Variants in DSCAM observed in about 807,000 individuals in gnomAD.
DSCAM encodes cell adhesion molecule DSCAM.
In DSCAM, 47 loss-of-function variants were observed where a neutral mutation model predicts 217.7. The observed-to-expected ratio is 0.22, with a 90% CI of 0.17 to 0.28. The LOEUF (loss-of-function observed/expected upper bound fraction) is 0.28, where lower values mean the gene tolerates loss of function less well. DSCAM is among the 10% of genes least tolerant of loss of function. The pLI, the probability that DSCAM is intolerant of heterozygous loss-of-function variation, is 1.00. For missense variants in DSCAM, 2,080 were observed against 2,618.3 expected, an observed-to-expected ratio of 0.79 and a Z score of 4.49; for synonymous variants, 1,056 against 1,015.3, an observed-to-expected ratio of 1.04 and a Z score of -0.76.
At position 40,052,235 on chromosome 21, in the gene DSCAM, T is replaced by C. The variant is rs73906390; in HGVS notation, c.5036-128A>G. 2,399 of 1,000,396 alleles carry C rather than the reference T, an allele frequency of 2.4e-3. 45 individuals are homozygous for C. The African/African-American group carries it at 0.036, about 15-fold the overall frequency. 62.0% of individuals were successfully genotyped at this position (1,000,396 alleles called of 1,614,324 possible). A position where few individuals can be genotyped will look rare whatever the true frequency, so the allele number is the denominator to read the frequency against. ...ACCACAATAATAGCCCCATCTAAAG[T>C]GACAAAAATGATTGAAAATTCAAGC... On this transcript the variant is annotated intron_variant, in intron 29 of 32. Transcript: ENST00000400454.
intron 1 of DSCAM, among the ~76,000 whole-genome samples, chr21:40,756,558 A>ATTT (rs148771867): frequency 1.8e-4 from 27 of 151,036 alleles, no homozygotes; most frequent in South Asian, 8.4e-4. Context: ...TGCCCAGCTA[A>ATTT]TTTTTGTATT....
At chr21:40,029,871 C>A (rs1360870788) in intron 32 of DSCAM, among the ~76,000 whole-genome samples, 2 of 152,196 alleles carry the variant, frequency 1.3e-5, no homozygotes, top group African/African-American at 4.8e-5. Context: ...GGGTGCCAAG[C>A]CTCGGGGCTT....
intron 20 of DSCAM, among the ~76,000 whole-genome samples, chr21:40,114,816 C>T (rs1321798428): frequency 6.6e-6 from 1 of 152,220 alleles, no homozygotes; most frequent in Admixed American, 6.5e-5. Flanking sequence ...TGACAAAATG[C>T]TCATCATCAC....
At chr21:40,037,251 GTA>G (rs1225855316) in intron 32 of DSCAM, among the ~76,000 whole-genome samples, 3 of 149,178 alleles carry the variant, frequency 2.0e-5, no homozygotes, top group African/African-American at 7.6e-5. Flanking sequence ...TGACATGATT[GTA>G]TATCTAGAAA....
At chr21:40,442,255 T>C (rs950265490) in intron 3 of DSCAM, among the ~76,000 whole-genome samples, 2 of 152,136 alleles carry the variant, frequency 1.3e-5, no homozygotes, top group African/African-American at 2.4e-5. Flanking sequence ...ATATAACTTA[T>C]ATATACATTT....
chr21:40,338,353 T>C lies in DSCAM; in HGVS notation c.1531A>G (p.Lys511Glu), dbSNP rs1204882422. The C allele has an allele frequency of 6.2e-7, 1 of 1,613,854 alleles. No homozygotes were observed. ...CGTCCTGCTATTGCTGTGATGTTTT[T>C]CATTGGTCGAATGCTTGCAGGCCCT... ...VRGPASIRPM[K>E]NITAIAGRDT... is the part of the protein sequence containing the mutation. The change falls in exon 8 of 33, where the codon AAA becomes GAA. Residue 511 changes from lysine (K) to glutamate (E), a missense_variant. This residue lies in a region of DSCAM where 568 missense variants were observed against 678.1 expected (regional missense o/e 0.84). Transcript: ENST00000400454.
At chr21:40,199,935 T>G (rs1052959843) in intron 11 of DSCAM, among the ~76,000 whole-genome samples, 1 of 146,896 alleles carries the variant, frequency 6.8e-6, no homozygotes, top group Admixed American at 6.7e-5. Flanking sequence ...GAACTTAAAG[T>G]AAAATTAAAA....
At chr21:40,563,968 G>C (rs2076746413) in intron 3 of DSCAM, among the ~76,000 whole-genome samples, 1 of 152,212 alleles carries the variant, frequency 6.6e-6, no homozygotes, top group Non-Finnish European at 1.5e-5. Flanking sequence ...GGGAGGCAGA[G>C]TGAGAGCAGA....
chr21:40,525,752 A>C (rs2076395371), intron 3 of DSCAM, among the ~76,000 whole-genome samples: 1 of 152,220 alleles, frequency 6.6e-6, no homozygotes. Context: ...GCTCCCAGCT[A>C]TATGGTCTCA....
intron 30 of DSCAM, among the ~76,000 whole-genome samples, chr21:40,045,561 TCG>T (rs1474213862): frequency 1.3e-5 from 2 of 152,222 alleles, no homozygotes; most frequent in Non-Finnish European, 2.9e-5. Context: ...GGCTACAACA[TCG>T]CCTCTTCTGG....
chr21:40,507,615 A>G (rs1017307557), intron 3 of DSCAM, among the ~76,000 whole-genome samples: 11 of 151,698 alleles, frequency 7.3e-5, no homozygotes, highest in Non-Finnish European at 1.6e-4. Flanking sequence ...ACATGGTGAA[A>G]CCCCTCTCTA....
At chr21:40,559,458 C>CAA (rs59510708) in intron 3 of DSCAM, among the ~76,000 whole-genome samples, 53 of 115,970 alleles carry the variant, frequency 4.6e-4, no homozygotes, top group East Asian at 3.3e-3. Flanking sequence ...GACCCCGTCT[C>CAA]AAAAAAAAAA....
chr21:40,405,084 C>A (rs1019996760), intron 3 of DSCAM, among the ~76,000 whole-genome samples: 2 of 152,066 alleles, frequency 1.3e-5, no homozygotes, highest in Non-Finnish European at 2.9e-5. Context: ...ATGGGAGATG[C>A]AAAGGTGAAT....
At position 40,843,368 on chromosome 21, in the gene DSCAM, ATGTGTGTGTGTGTG is replaced by A. The variant is rs36229663; in HGVS notation, c.43+3237_43+3250del. 2.9e-3 allele frequency among the ~76,000 whole-genome samples: 427 copies of A among 146,158 alleles called. 2 individuals are homozygous for A. Among genetic ancestry groups the A allele is most frequent in the African/African-American group, 8.7e-3 (349 of 40,250 alleles). On this transcript the variant is annotated intron_variant, in intron 1 of 32. Coordinates refer to ENST00000400454, the MANE Select transcript of DSCAM (RefSeq NM_001389.5). ...AAAAGATGATGTCAGGAATGCATGC[ATGTGTGTGTGTGTG>A]TGTGTGTGTGTGTGTGTGTGTGTGT... is the stretch of plus-strand genomic sequence containing the variant.
intron 1 of DSCAM, among the ~76,000 whole-genome samples, chr21:40,749,404 T>C (rs1024026949): frequency 6.6e-6 from 1 of 152,080 alleles, no homozygotes; most frequent in Non-Finnish European, 1.5e-5. Flanking sequence ...AATTTAAAAA[T>C]GGACAAAAGA....
intron 3 of DSCAM, among the ~76,000 whole-genome samples, chr21:40,595,862 T>A (rs577856052): frequency 3.9e-5 from 6 of 152,202 alleles, no homozygotes; most frequent in Non-Finnish European, 7.3e-5. Context: ...TTAGGCAAAG[T>A]AAAAGTTTTG....
chr21:40,683,942 C>G (rs2090446126), intron 3 of DSCAM, among the ~76,000 whole-genome samples: 1 of 152,012 alleles, frequency 6.6e-6, no homozygotes, highest in Non-Finnish European at 1.5e-5. Flanking sequence ...CTGGTTAAGA[C>G]CGGGCCACGC....
chr21:40,416,188 G>A (rs545587677), intron 3 of DSCAM, among the ~76,000 whole-genome samples: 5 of 152,176 alleles, frequency 3.3e-5, no homozygotes, highest in Admixed American at 1.3e-4. Context: ...GTCCTTCAAG[G>A]CTCTGCTCCT....
chr21:40,377,783 C>A (rs1014149390), intron 3 of DSCAM, among the ~76,000 whole-genome samples: 1 of 152,038 alleles, frequency 6.6e-6, no homozygotes, highest in South Asian at 2.1e-4. Context: ...GGACACAAGC[C>A]AGTGTGGCGC....
Sources: gnomAD v4.1 joint callset for allele counts (sites outside exome capture counted in the v4.1 genomes callset) on GRCh38, gnomAD v4.1.1 for gene constraint, gnomAD v4.1.1 regional missense constraint, MANE v1.5 for transcripts, NCBI Gene and HGNC (gene_info 2026-07-23, HGNC 2026-07-21) for gene names.